Variants in IGF2BP3 observed in about 807,000 individuals in gnomAD.
The protein encoded by IGF2BP3 is insulin-like growth factor 2 mRNA-binding protein 3.
Under a neutral mutation model 73.8 loss-of-function variants are expected in IGF2BP3, and 9 were observed. The ratio of observed to expected loss-of-function variants is 0.12; its 90% CI spans 0.07 to 0.21. The LOEUF is 0.21. IGF2BP3 is among the 10% of genes least tolerant of loss of function. The pLI is 1.00. For missense variants in IGF2BP3, 542 were observed against 714.0 expected (o/e 0.76, Z 2.75); for synonymous variants, 258 against 256.7 (o/e 1.01, Z -0.05).
At chr7:23,424,049 C>T (rs1186884956) in intron 2 of IGF2BP3, among the ~76,000 whole-genome samples, 11 of 152,010 alleles carry the variant, frequency 7.2e-5, no homozygotes, top group Non-Finnish European at 1.3e-4. Context: ...ACCCGGGAGA[C>T]GGAGGTTGCA....
At chr7:23,420,098 T>A (rs188456680) in intron 2 of IGF2BP3, among the ~76,000 whole-genome samples, 1 of 152,310 alleles carries the variant, frequency 6.6e-6, no homozygotes, top group East Asian at 1.9e-4. Context: ...GGAGGAAGAA[T>A]TTATAGTCAA....
At chr7:23,401,308 A>G (rs971865616) in intron 3 of IGF2BP3, among the ~76,000 whole-genome samples, 5 of 152,098 alleles carry the variant, frequency 3.3e-5, no homozygotes, top group Non-Finnish European at 7.4e-5. Flanking sequence ...GAGGGGGTTC[A>G]CCATCAACAT....
At chr7:23,432,069 C>G (rs753737424) in intron 2 of IGF2BP3, among the ~76,000 whole-genome samples, 1 of 152,124 alleles carries the variant, frequency 6.6e-6, no homozygotes, top group Non-Finnish European at 1.5e-5. Flanking sequence ...TCCATTATCC[C>G]CAGCTCCCAG....
intron 5 of IGF2BP3, among the ~76,000 whole-genome samples, chr7:23,357,676 TAATGA>T (rs1785129585): frequency 6.6e-6 from 1 of 152,224 alleles, no homozygotes; most frequent in Admixed American, 6.5e-5. Flanking sequence ...TTAATGAAAC[TAATGA>T]AATGAAATTT....
chr7:23,416,494 T>C (rs1437274460), intron 3 of IGF2BP3, among the ~76,000 whole-genome samples: 1 of 152,224 alleles, frequency 6.6e-6, no homozygotes, highest in Non-Finnish European at 1.5e-5. Context: ...ATCTTCTGTA[T>C]TTCTTGTAAA....
At chr7:23,363,226 A>G (rs570853998) in intron 3 of IGF2BP3, among the ~76,000 whole-genome samples, 3 of 152,206 alleles carry the variant, frequency 2.0e-5, no homozygotes, top group Non-Finnish European at 4.4e-5. Context: ...TTTGAAACAT[A>G]TAACAAGGTT....
rs35291021 is a variant in IGF2BP3 at position 23,320,644 on chromosome 7, TAA to T, written c.1204-1392_1204-1391del. On this transcript the variant is annotated intron_variant, in intron 10 of 14. Coordinates refer to ENST00000258729, the MANE Select transcript of IGF2BP3 (RefSeq NM_006547.3). ...AAGAAGCCAGTAATATGCTTTTGTT[TAA>T]AAAAAAAAAAAAAAAAAAAAGCCAG... Among the ~76,000 whole-genome samples, 317 of 115,300 alleles carry T rather than the reference TAA, an allele frequency of 2.7e-3. 3 individuals carry two copies. The highest frequency in any genetic ancestry group is 8.7e-3 in the African/African-American group (268 of 30,702). 75.6% of individuals were successfully genotyped at this position (115,300 alleles called of 152,430 possible).
chr7:23,422,477 C>A (rs934570904), intron 2 of IGF2BP3, among the ~76,000 whole-genome samples: 3 of 152,064 alleles, frequency 2.0e-5, no homozygotes, highest in Non-Finnish European at 2.9e-5. Flanking sequence ...ATCACATGAG[C>A]CCAGGAGTTT....
chr7:23,321,862 C>A (rs1419238961), intron 10 of IGF2BP3, among the ~76,000 whole-genome samples: 1 of 152,152 alleles, frequency 6.6e-6, no homozygotes, highest in East Asian at 1.9e-4. Context: ...AGCTGAGGGT[C>A]CTGTCTGTTA....
chr7:23,324,100 A>G (rs1408012994), intron 10 of IGF2BP3, among the ~76,000 whole-genome samples: 1 of 152,200 alleles, frequency 6.6e-6, no homozygotes, highest in Non-Finnish European at 1.5e-5. Context: ...TAGAGACACA[A>G]AAAACCCTTG....
chr7:23,335,318 T>G (rs1171506179), intron 10 of IGF2BP3, among the ~76,000 whole-genome samples: 2 of 151,758 alleles, frequency 1.3e-5, no homozygotes, highest in African/African-American at 4.8e-5. Context: ...GGTCTCACTC[T>G]GTCACCCAGG....
Position 23,470,200 on chromosome 7 carries a change from T to C in IGF2BP3, c.-90A>G. ...GATGGATGGATCCAGCTGGTTTTGT[T>C]CCCCTCGTCTTCTCGCCTTTAAAAT... On this transcript the variant is annotated 5_prime_UTR_variant, in exon 1 of 15. Coordinates refer to ENST00000258729, the MANE Select transcript of IGF2BP3 (RefSeq NM_006547.3). The C allele has an allele frequency of 9.6e-7, 1 of 1,039,374 alleles. No individual in the cohort carries two copies. Among genetic ancestry groups the C allele is most frequent in the Non-Finnish European group, 1.4e-6 (1 of 711,828 alleles). The allele number at this position is 1,039,374 out of a possible 1,614,324, so 64.4% of individuals were successfully genotyped here. A position where few individuals can be genotyped will look rare whatever the true frequency, so the allele number is the denominator to read the frequency against.
At chr7:23,318,036 G>C (rs1451295323) in intron 11 of IGF2BP3, among the ~76,000 whole-genome samples, 2 of 152,122 alleles carry the variant, frequency 1.3e-5, no homozygotes, top group African/African-American at 2.4e-5. Context: ...GAGTTATCTG[G>C]ACCATGATCA....
intron 10 of IGF2BP3, among the ~76,000 whole-genome samples, chr7:23,340,554 TC>T (rs1202229633): frequency 6.6e-6 from 1 of 152,078 alleles, no homozygotes; most frequent in Non-Finnish European, 1.5e-5. Context: ...CCTGGACATT[TC>T]CCCAAATTGG....
chr7:23,424,298 G>T (rs578100153), intron 2 of IGF2BP3, among the ~76,000 whole-genome samples: 3 of 151,538 alleles, frequency 2.0e-5, no homozygotes, highest in African/African-American at 7.3e-5. Flanking sequence ...AGGAGTTCAA[G>T]ACCAGCTTGG....
intron 3 of IGF2BP3, among the ~76,000 whole-genome samples, chr7:23,378,463 G>T (rs550267429): frequency 7.5e-5 from 11 of 147,160 alleles, no homozygotes; most frequent in African/African-American, 2.9e-4. Flanking sequence ...TATGATCTTG[G>T]CTCACTGTAA....
chr7:23,458,748 C>T (rs774868756), intron 2 of IGF2BP3, among the ~76,000 whole-genome samples: 1 of 152,190 alleles, frequency 6.6e-6, no homozygotes, highest in Non-Finnish European at 1.5e-5. Flanking sequence ...ACAATAAGCC[C>T]TGGGGCACAG....
At chr7:23,457,851 A>C (rs1301379770) in intron 2 of IGF2BP3, among the ~76,000 whole-genome samples, 2 of 152,218 alleles carry the variant, frequency 1.3e-5, no homozygotes, top group Non-Finnish European at 2.9e-5. Context: ...ATATGTAAAA[A>C]TTATCAACCT....
chr7:23,326,040 G>A (rs953302769), intron 10 of IGF2BP3, among the ~76,000 whole-genome samples: 2,795 of 152,050 alleles, frequency 0.018, 80 homozygotes, highest in African/African-American at 0.064. Context: ...CAAAAGCAAT[G>A]GCAACAAAAG....
Sources: gnomAD v4.1 joint callset for allele counts (sites outside exome capture counted in the v4.1 genomes callset) on GRCh38, gnomAD v4.1.1 for gene constraint, MANE v1.5 for transcripts, NCBI Gene and HGNC (gene_info 2026-07-23, HGNC 2026-07-21) for gene names.